The following OTULIN variants were observed in gnomAD, a reference collection of about 807,000 sequenced individuals.
OTULIN encodes the protein OTU deubiquitinase with linear linkage specificity.
OTULIN carries 15 observed loss-of-function variants against 39.6 expected under a neutral mutation model. The observed-to-expected ratio is 0.38, with a 90% CI of 0.25 to 0.58. The LOEUF is 0.58. Ranked by LOEUF, OTULIN falls within the 20% of genes least tolerant of loss-of-function variation. The pLI is 0.66. For synonymous variants in OTULIN, 156 were observed against 170.3 expected, an observed-to-expected ratio of 0.92 and a Z score of 0.65; for missense variants, 319 against 445.9, an observed-to-expected ratio of 0.72 and a Z score of 2.56.
downstream of OTULIN, among the ~76,000 whole-genome samples, chr5:14,703,100 A>T (rs1736830736): frequency 6.6e-6 from 1 of 152,196 alleles, no homozygotes; most frequent in Non-Finnish European, 1.5e-5. Flanking sequence ...GCGTCTAGTC[A>T]CTTGCCTGAA....
rs575012159 is a variant in OTULIN, at chr5:14,677,133, A to T, written c.230-1548A>T. ...CAGTTCTTAAGAGTTTACTTAAAAA[A>T]TTTTTTTTTTAAATTTACCTAAACT... On this transcript the variant is annotated intron_variant, in intron 2 of 6. Transcript: ENST00000284274. 8.3e-4 allele frequency among the ~76,000 whole-genome samples: 125 copies of T among 151,264 alleles called. 1 individual carries two copies. Among genetic ancestry groups the T allele is most frequent in the Non-Finnish European group, 9.3e-4 (63 of 67,718 alleles).
intron 1 of OTULIN, among the ~76,000 whole-genome samples, chr5:14,665,785 A>G (rs1735823713): frequency 6.6e-6 from 1 of 152,218 alleles, no homozygotes; most frequent in African/African-American, 2.4e-5. Flanking sequence ...CTTTTGAAAA[A>G]AAAATTCCTA....
rs1230596024 is a variant in OTULIN at position 14,695,293 on chromosome 5, C to T, written c.*2245C>T. ...ATTTTTTTTTAATTGCAATATGCAGCTTCAGTTGCCCAGAATCTTAGTTCC... is the reference window on the plus strand; with the variant it reads ...ATTTTTTTTTAATTGCAATATGCAGTTTCAGTTGCCCAGAATCTTAGTTCC... On this transcript the variant is annotated 3_prime_UTR_variant, in exon 7 of 7. Transcript: ENST00000284274. The T allele has an allele frequency of 6.6e-6, 1 of 152,158 alleles. No individual in the cohort carries two copies. Among genetic ancestry groups the T allele is most frequent in the Non-Finnish European group, 1.5e-5 (1 of 68,024 alleles). The allele number at this position is 152,158 out of a possible 1,614,324, so 9.4% of individuals were successfully genotyped here.
intron 1 of OTULIN, among the ~76,000 whole-genome samples, chr5:14,670,718 C>T (rs1579960089): frequency 6.6e-6 from 1 of 152,132 alleles, no homozygotes; most frequent in East Asian, 1.9e-4. Flanking sequence ...GATCCTCTCT[C>T]CTCAGCCTCC....
intron 2 of OTULIN, among the ~76,000 whole-genome samples, chr5:14,676,111 G>T (rs1046170673): frequency 3.3e-5 from 5 of 152,122 alleles, no homozygotes; most frequent in African/African-American, 1.2e-4. Context: ...CTGCTTTCCG[G>T]AGGGGTTTCA....
At chr5:14,715,723 G>A in the OTULIN span, among the ~76,000 whole-genome samples, 1 of 152,078 alleles carries the variant, frequency 6.6e-6, no homozygotes, top group Non-Finnish European at 1.5e-5. Flanking sequence ...ACATACACGT[G>A]CTACATATTT....
chr5:14,670,218 C>A lies in OTULIN; in HGVS notation c.153-3424C>A, dbSNP rs527757660. Reference sequence around the variant, plus strand: ...TTGTGTCAGAGTGGATACCTCTCCACCACCACCCCAACTTGACACACAAAA... The same window carrying A: ...TTGTGTCAGAGTGGATACCTCTCCAACACCACCCCAACTTGACACACAAAA... On this transcript the variant is annotated intron_variant, in intron 1 of 6. Transcript: ENST00000284274. Among the ~76,000 whole-genome samples, 9 of 152,318 alleles carry A rather than the reference C, an allele frequency of 5.9e-5. 1 individual carries two copies. In the East Asian group the frequency reaches 1.7e-3, roughly 29 times the overall value.
intron 1 of OTULIN, among the ~76,000 whole-genome samples, chr5:14,667,522 G>A (rs565927155): frequency 6.6e-5 from 10 of 152,108 alleles, no homozygotes; most frequent in Non-Finnish European, 1.0e-4. Context: ...ACAGGTGCAC[G>A]CCACCATACC....
chr5:14,715,477 A>G, the OTULIN span, among the ~76,000 whole-genome samples: 1 of 152,170 alleles, frequency 6.6e-6, no homozygotes, highest in Non-Finnish European at 1.5e-5. Context: ...CTGGCTTTCC[A>G]GTTTAATGAT....
At chr5:14,667,563 C>T (rs761885187) in intron 1 of OTULIN, among the ~76,000 whole-genome samples, 21 of 152,184 alleles carry the variant, frequency 1.4e-4, no homozygotes, top group East Asian at 1.9e-4. Flanking sequence ...TTTGTAGAGA[C>T]AGAGTCTCAC....
In OTULIN at chr5:14,695,326, A is replaced by G. The variant is rs186048510; in HGVS notation, c.*2278A>G. 3.3e-5 allele frequency: 5 copies of G among 152,306 alleles called. No homozygotes were observed. Among genetic ancestry groups the G allele is most frequent in the African/African-American group, 1.2e-4 (5 of 41,568 alleles). The allele number at this position is 152,306 out of a possible 1,614,324, so 9.4% of individuals were successfully genotyped here. ...GCCCAGAATCTTAGTTCCGTTTCTC[A>G]TTCTTGGTCTTGAGCTGGTCAGGTG... On this transcript the variant is annotated 3_prime_UTR_variant, in exon 7 of 7. Coordinates refer to ENST00000284274, the MANE Select transcript of OTULIN (RefSeq NM_138348.6).
intron 1 of OTULIN, among the ~76,000 whole-genome samples, chr5:14,666,373 A>T (rs550750091): frequency 6.6e-6 from 1 of 152,232 alleles, no homozygotes; most frequent in African/African-American, 2.4e-5. Flanking sequence ...GTCTGCTGCT[A>T]GTAGAACTAT....
At chr5:14,705,906 G>C in the OTULIN span, 7 of 151,752 alleles carry the variant, frequency 4.6e-5, no homozygotes, top group East Asian at 1.9e-4. Context: ...GCATCTACCC[G>C]GTTGTAATGT....
rs202055637 is a variant in OTULIN, at chr5:14,690,112, C to T, written c.668C>T (p.Ala223Val). The change falls in exon 6 of 7, where the codon GCG (alanine) becomes GTG (valine). Residue 223 changes from alanine to valine, a missense_variant. Ala to Val is a moderately conservative substitution (Grantham distance 64). Transcript: ENST00000284274. The surrounding 1 kb of genome is among the most constrained non-coding windows in gnomAD (Gnocchi z 4.5). ...TGTGATGAACTATTCACAAATGAGG[C>T]GGAGGAATATAGCCTCTATGAAGCT... is the stretch of plus-strand genomic sequence containing the variant. ...IACDELFTNE[A>V]EEYSLYEAVK... The T allele has an allele frequency of 3.8e-5, 61 of 1,614,006 alleles. No individual in the cohort carries two copies. The highest frequency in any genetic ancestry group is 1.2e-4 in the African/African-American group (9 of 75,004).
downstream of OTULIN, among the ~76,000 whole-genome samples, chr5:14,701,768 G>C (rs145400946): frequency 2.6e-5 from 4 of 152,170 alleles, no homozygotes; most frequent in African/African-American, 9.6e-5. Flanking sequence ...TCTCTGGCTG[G>C]GTTCTTATTT....
At chr5:14,712,395 G>A in the OTULIN span, among the ~76,000 whole-genome samples, 11 of 152,132 alleles carry the variant, frequency 7.2e-5, no homozygotes, top group African/African-American at 2.7e-4. Context: ...AAAAACAAAA[G>A]TGATCAGAAG....
the OTULIN span, among the ~76,000 whole-genome samples, chr5:14,712,400 C>T: frequency 6.6e-6 from 1 of 152,208 alleles, no homozygotes; most frequent in Non-Finnish European, 1.5e-5. Flanking sequence ...CAAAAGTGAT[C>T]AGAAGGGCCC....
At chr5:14,708,330 CA>C in the OTULIN span, 2 of 152,226 alleles carry the variant, frequency 1.3e-5, no homozygotes, top group African/African-American at 4.8e-5. Flanking sequence ...CATCCACAAG[CA>C]ATCACTCAGT....
the OTULIN span, chr5:14,710,323 T>C: frequency 6.6e-6 from 1 of 152,228 alleles, no homozygotes; most frequent in Non-Finnish European, 1.5e-5. Flanking sequence ...CTCGCTCTAA[T>C]GCGACCTTCA....
Sources: allele counts gnomAD v4.1 joint callset (sites outside exome capture counted in the v4.1 genomes callset), GRCh38; gene constraint gnomAD v4.1.1; non-coding constraint Gnocchi (gnomAD v3.1); transcripts MANE v1.5; gene names NCBI Gene and HGNC (gene_info 2026-07-23, HGNC 2026-07-21).